FN3K: variants seen among roughly 807,000 people sequenced by gnomAD.
FN3K encodes the protein fructosamine-3-kinase.
A neutral mutation model predicts 24.8 loss-of-function variants in FN3K; 24 were observed. The observed-to-expected ratio is 0.97, with a 90% CI of 0.70 to 1.36. FN3K has a LOEUF of 1.36. Ranked by LOEUF, FN3K falls within the 40% of genes most tolerant of loss-of-function variation. The pLI is 0.00. For missense variants in FN3K, 449 were observed against 416.7 expected (o/e 1.08, Z -0.67); for synonymous variants, 192 against 175.2 (o/e 1.10, Z -0.76).
At chr17:82,742,703 T>C (rs1365738949) in intron 4 of FN3K, 1 of 456,294 alleles carries the variant, frequency 2.2e-6, no homozygotes, top group South Asian at 1.5e-5. Flanking sequence ...ACAGCCCAAC[T>C]GCCCTGTGCT....
chr17:82,741,070 C>T (rs1468075112), intron 3 of FN3K: 1 of 658,864 alleles, frequency 1.5e-6, no homozygotes, highest in Non-Finnish European at 2.7e-6. Context: ...ACCCAGCCCT[C>T]CTGTCTGGTG....
rs1491360361 is a variant in FN3K, at chr17:82,750,957, C to CCCTGTT, written c.*204_*205insTGTTCC. 6.8e-3 allele frequency: 1,766 copies of CCCTGTT among 258,726 alleles called. 11 individuals are homozygous for CCCTGTT. Among genetic ancestry groups the CCCTGTT allele is most frequent in the South Asian group, 9.0e-3 (376 of 41,686 alleles). The allele number at this position is 258,726 out of a possible 1,614,324, so 16.0% of individuals were successfully genotyped here. On this transcript the variant is annotated 3_prime_UTR_variant, in exon 6 of 6. Coordinates refer to ENST00000300784, the MANE Select transcript of FN3K (RefSeq NM_022158.4). ...CCATCCCTGTCCCCCGTCCCCCTGT[C>CCCTGTT]CCCCTGTCCACATACCAATCCCCCT...
rs117622449 is a variant in FN3K, at chr17:82,750,651, C to G, written c.826C>G (p.Arg276Gly). ...KIPKAPGFDQRLLLYQLFNYL... is the reference protein window; with the variant it reads ...KIPKAPGFDQGLLLYQLFNYL... ...CCCCAAGGCTCCGGGCTTCGACCAG[C>G]GGCTGCTGCTCTACCAGCTGTTTAA... is the stretch of plus-strand genomic sequence containing the variant. The change falls in exon 6 of 6, where the codon CGG becomes GGG. Residue 276 changes from arginine (R) to glycine (G), a missense_variant. By Grantham distance (125) the Arg-to-Gly change is moderately radical. Coordinates refer to ENST00000300784, the MANE Select transcript of FN3K (RefSeq NM_022158.4). 51 of 1,613,986 alleles carry G rather than the reference C, an allele frequency of 3.2e-5. No individual in the cohort carries two copies. The highest frequency in any genetic ancestry group is 4.2e-5 in the Non-Finnish European group (50 of 1,180,002).
Position 82,749,031 on chromosome 17 carries a change from C to T in FN3K, c.591+54C>T, listed in dbSNP as rs116909671. On this transcript the variant is annotated intron_variant, in intron 5 of 5. Coordinates refer to ENST00000300784, the MANE Select transcript of FN3K (RefSeq NM_022158.4). ...AGAGCTGGTCCTCTCATGATCCCGCCGCATTTGTGCGGGTTCATCTGTAAA... is the reference window on the plus strand; with the variant it reads ...AGAGCTGGTCCTCTCATGATCCCGCTGCATTTGTGCGGGTTCATCTGTAAA... 9.1e-3 allele frequency: 14,654 copies of T among 1,611,572 alleles called. 99 individuals are homozygous for T. Among genetic ancestry groups the T allele is most frequent in the Non-Finnish European group, 0.011 (13,312 of 1,178,732 alleles).
At chr17:82,738,875 C>T (rs1222069284) in intron 2 of FN3K, among the ~76,000 whole-genome samples, 2 of 138,468 alleles carry the variant, frequency 1.4e-5, no homozygotes, top group African/African-American at 5.7e-5. Context: ...GACTGGTTTT[C>T]CTAGATAAGT....
At chr17:82,738,734 G>T in intron 2 of FN3K, 94 bp downstream of exon 2, 2 of 1,508,964 alleles carry the variant, frequency 1.3e-6, no homozygotes, top group Non-Finnish European at 9.1e-7. Flanking sequence ...ATAGAGATGG[G>T]GAGGGAGACA....
chr17:82,750,832 G>C lies in FN3K; in HGVS notation c.*77G>C, dbSNP rs1258898132. On this transcript the variant is annotated 3_prime_UTR_variant, in exon 6 of 6. Coordinates refer to ENST00000300784, the MANE Select transcript of FN3K (RefSeq NM_022158.4). ...CCCTGTCCCCCCGTCCCCCGTCCCTGTGCCCCCGTCCCTGTCCCCCTGTTC... is the reference window on the plus strand; with the variant it reads ...CCCTGTCCCCCCGTCCCCCGTCCCTCTGCCCCCGTCCCTGTCCCCCTGTTC... 1 of 1,055,480 alleles carries C rather than the reference G, an allele frequency of 9.5e-7. No homozygotes were observed. The allele number at this position is 1,055,480 out of a possible 1,614,324, so 65.4% of individuals were successfully genotyped here. A position where few individuals can be genotyped will look rare whatever the true frequency, so the allele number is the denominator to read the frequency against.
intron 5 of FN3K, chr17:82,749,315 G>A (rs951867655): frequency 7.8e-6 from 3 of 384,990 alleles, no homozygotes; most frequent in African/African-American, 6.3e-5. Flanking sequence ...ACTCCATCGT[G>A]TTCCTCTCCC....
In FN3K at chr17:82,738,541, C is replaced by T. The variant is rs372678188; in HGVS notation, c.194C>T (p.Thr65Met). The T allele has an allele frequency of 2.3e-5, 37 of 1,612,482 alleles. No individual in the cohort carries two copies. In the South Asian group the frequency reaches 2.5e-4, roughly 11 times the overall value. ...EVASLEALRS[T>M]GLVRVPRPMK... The stretch of plus-strand genomic sequence containing the variant: ...GCCAGCCTGGAGGCCCTCAGGAGCA[C>T]GGGCCTGGTGCGGGTGCCGAGGCCC... Residue 65 changes from threonine (T) to methionine (M), a missense_variant, in exon 2 of 6, where the codon ACG (threonine) becomes ATG (methionine). By Grantham distance (81) the Thr-to-Met change is moderately conservative. Coordinates refer to ENST00000300784, the MANE Select transcript of FN3K (RefSeq NM_022158.4).
chr17:82,750,516 A>T lies in FN3K; in HGVS notation c.691A>T (p.Ile231Phe), dbSNP rs1449170152. The change falls in exon 6 of 6, where the codon ATT becomes TTT. Residue 231 changes from isoleucine (I) to phenylalanine (F), a missense_variant. Physicochemically the swap from Ile to Phe is conservative, Grantham distance 21 (BLOSUM62 0). Transcript: ENST00000300784. ...CGTGGCTGAGGACGACGTGGGGCCCATTATTTACGACCCGGCTTCCTTCTA... is the reference window on the plus strand; with the variant it reads ...CGTGGCTGAGGACGACGTGGGGCCCTTTATTTACGACCCGGCTTCCTTCTA... Reference protein sequence around the residue: ...GNVAEDDVGPIIYDPASFYGH... With the variant: ...GNVAEDDVGPFIYDPASFYGH... 2 of 1,614,128 alleles carry T rather than the reference A, an allele frequency of 1.2e-6. No homozygotes were observed. The highest frequency in any genetic ancestry group is 3.3e-5 in the Admixed American group (2 of 60,006).
At chr17:82,747,721 T>C (rs2143651776) in intron 4 of FN3K, among the ~76,000 whole-genome samples, 1 of 152,342 alleles carries the variant, frequency 6.6e-6, no homozygotes, top group South Asian at 2.1e-4. Context: ...TCTAATTGAA[T>C]TTGATTATAC....
intron 5 of FN3K, chr17:82,750,032 T>G: frequency 3.6e-6 from 1 of 274,202 alleles, no homozygotes; most frequent in Non-Finnish European, 7.1e-6. Context: ...CACTCCAGCC[T>G]GGGTGACAGA....
Position 82,735,657 on chromosome 17 carries a change from C to A in FN3K, c.21C>A (p.Ala7=). Residue 7 remains alanine, a synonymous_variant, in exon 1 of 6, where the codon GCC becomes GCA. Transcript: ENST00000300784. ...ACTCCATGGAGCAGCTGCTGCGCGC[C>A]GAGCTGCGCACCGCGACCCTGCGGG... MEQLLR[A]ELRTATLRAF... is the part of the protein sequence containing the mutation. The A allele has an allele frequency of 2.6e-6, 4 of 1,538,492 alleles. No individual in the cohort carries two copies. Among genetic ancestry groups the A allele is most frequent in the Middle Eastern group, 4.6e-4 (2 of 4,332 alleles).
intron 1 of FN3K, chr17:82,738,267 C>A (rs998724831): frequency 2.6e-5 from 15 of 583,520 alleles, no homozygotes; most frequent in Non-Finnish European, 3.9e-5. Context: ...AGACCCCACA[C>A]CCCTCACGGC....
At chr17:82,738,349 G>A in intron 1 of FN3K, 140 bp from the exon 2 acceptor site, 1 of 1,168,858 alleles carries the variant, frequency 8.6e-7, no homozygotes, top group South Asian at 1.4e-5. Context: ...CCTCTGTGGT[G>A]GACGCCAGCT....
Position 82,744,234 on chromosome 17 carries a change from A to C in FN3K, c.468+2841A>C, listed in dbSNP as rs558515151. On this transcript the variant is annotated intron_variant, in intron 4 of 5. Transcript: ENST00000300784. ...CCACTGACCAGGGCGGTCCTCCCCG[A>C]AGGAGTTTTACAAAATAACCCTTTG... 2.0e-4 allele frequency among the ~76,000 whole-genome samples: 30 copies of C among 152,304 alleles called. No individual in the cohort carries two copies. The South Asian group carries it at 6.0e-3, about 30-fold the overall frequency.
At chr17:82,750,361 G>A (rs1163361212) in intron 5 of FN3K, 56 bp from the exon 6 acceptor site, 1 of 1,474,018 alleles carries the variant, frequency 6.8e-7, no homozygotes, top group African/African-American at 1.4e-5. Flanking sequence ...CAAGAACGAG[G>A]TGATGAGACC....
At chr17:82,737,265 A>G (rs1465277441) in intron 1 of FN3K, among the ~76,000 whole-genome samples, 2 of 152,070 alleles carry the variant, frequency 1.3e-5, no homozygotes, top group Non-Finnish European at 2.9e-5. Context: ...GCAGTCCTAC[A>G]CTTTGGGCGA....
At chr17:82,749,142 T>C in intron 5 of FN3K, 165 bp downstream of exon 5, 3 of 1,087,668 alleles carry the variant, frequency 2.8e-6, no homozygotes, top group Non-Finnish European at 4.1e-6. Context: ...CAAAAGGGAG[T>C]CCGAAAGGAG....
Sources: allele counts gnomAD v4.1 joint callset (sites outside exome capture counted in the v4.1 genomes callset), GRCh38; gene constraint gnomAD v4.1.1; transcripts MANE v1.5; gene names NCBI Gene and HGNC (gene_info 2026-07-23, HGNC 2026-07-21).